DLG2: variants seen among roughly 807,000 people sequenced by gnomAD.
The protein encoded by DLG2 is disks large homolog 2.
DLG2 carries 45 observed loss-of-function variants against 132.5 expected under a neutral mutation model. The observed-to-expected ratio is 0.34, with a 90% CI of 0.27 to 0.44. The LOEUF (loss-of-function observed/expected upper bound fraction) is 0.44. Among genes scored for constraint, DLG2 ranks in the 20% least tolerant of loss-of-function variants. DLG2 has a pLI of 1.00. For synonymous variants in DLG2, 424 were observed against 419.6 expected, an observed-to-expected ratio of 1.01 and a Z score of -0.13; for missense variants, 1,045 against 1,196.9, an observed-to-expected ratio of 0.87 and a Z score of 1.87.
At chr11:83,702,214 G>C (rs1178050481) in intron 18 of DLG2, among the ~76,000 whole-genome samples, 1 of 152,070 alleles carries the variant, frequency 6.6e-6, no homozygotes, top group Non-Finnish European at 1.5e-5. Context: ...TGTACAAAAG[G>C]ATTAACAGTG....
intron 4 of DLG2, among the ~76,000 whole-genome samples, chr11:85,229,813 A>G (rs1346968121): frequency 6.6e-6 from 1 of 152,134 alleles, no homozygotes; most frequent in East Asian, 1.9e-4. Flanking sequence ...TGCAGCCATA[A>G]AAAGAATGAG....
At chr11:85,469,040 C>T (rs897801969) in intron 3 of DLG2, among the ~76,000 whole-genome samples, 5 of 152,178 alleles carry the variant, frequency 3.3e-5, no homozygotes, top group Non-Finnish European at 7.4e-5. Context: ...ATTGAGTGCA[C>T]GTACTCTTTT....
intron 6 of DLG2, among the ~76,000 whole-genome samples, chr11:85,066,583 G>T (rs2064956093): frequency 6.6e-6 from 1 of 151,666 alleles, no homozygotes; most frequent in Non-Finnish European, 1.5e-5. Flanking sequence ...AAATTAAAAA[G>T]ATAATACACC....
intron 7 of DLG2, among the ~76,000 whole-genome samples, chr11:84,422,201 A>G (rs1027740750): frequency 6.6e-6 from 1 of 152,208 alleles, no homozygotes; most frequent in Non-Finnish European, 1.5e-5. Flanking sequence ...TACTTATTAT[A>G]GTGAATGAAT....
chr11:84,206,846 T>C (rs1276449418), intron 8 of DLG2, among the ~76,000 whole-genome samples: 3 of 151,986 alleles, frequency 2.0e-5, no homozygotes, highest in Non-Finnish European at 4.4e-5. Flanking sequence ...CAACTTTATA[T>C]GTAGAAACCT....
intron 8 of DLG2, among the ~76,000 whole-genome samples, chr11:84,174,967 G>T (rs1380655133): frequency 6.6e-6 from 1 of 152,100 alleles, no homozygotes; most frequent in Admixed American, 6.6e-5. Flanking sequence ...AAAGAAGCTA[G>T]TTTCTAAGTT....
chr11:84,309,623 G>C (rs2098267537), intron 7 of DLG2, among the ~76,000 whole-genome samples: 1 of 152,178 alleles, frequency 6.6e-6, no homozygotes, highest in South Asian at 2.1e-4. Flanking sequence ...CAAAAGAATG[G>C]AACAAAGTAG....
chr11:84,005,810 G>T (rs753628951), intron 11 of DLG2, among the ~76,000 whole-genome samples: 29 of 151,698 alleles, frequency 1.9e-4, no homozygotes, highest in Non-Finnish European at 3.8e-4. Flanking sequence ...TTATTAAAAA[G>T]ACAAAAAATA....
intron 8 of DLG2, among the ~76,000 whole-genome samples, chr11:84,192,653 C>T (rs2096434795): frequency 6.6e-6 from 1 of 151,990 alleles, no homozygotes; most frequent in Non-Finnish European, 1.5e-5. Context: ...TCTCTTGAAC[C>T]CAGGAGGTGG....
chr11:83,580,808 G>A (rs1211592602), intron 19 of DLG2, among the ~76,000 whole-genome samples: 2 of 18,540 alleles, frequency 1.1e-4, no homozygotes, highest in African/African-American at 5.4e-4. Context: ...TCCCTCCCCT[G>A]CCCCGCCAGG....
chr11:84,666,744 ACT>A (rs1565605228), intron 6 of DLG2, among the ~76,000 whole-genome samples: 1 of 152,064 alleles, frequency 6.6e-6, no homozygotes, highest in Non-Finnish European at 1.5e-5. Context: ...AAAATCACAC[ACT>A]CAGAAATTTT....
chr11:83,942,777 A>G (rs559939856), intron 14 of DLG2, among the ~76,000 whole-genome samples: 233 of 152,212 alleles, frequency 1.5e-3, no homozygotes, highest in Non-Finnish European at 2.7e-3. Flanking sequence ...AAGGGGATAG[A>G]TCTTGAATGT....
At chr11:84,751,439 A>C (rs1488792875) in intron 6 of DLG2, among the ~76,000 whole-genome samples, 1 of 152,112 alleles carries the variant, frequency 6.6e-6, no homozygotes, top group Non-Finnish European at 1.5e-5. Flanking sequence ...TATTTATGAT[A>C]ATTTAGGAGT....
intron 6 of DLG2, among the ~76,000 whole-genome samples, chr11:84,680,726 C>G (rs187175113): frequency 6.6e-6 from 1 of 152,290 alleles, no homozygotes; most frequent in African/African-American, 2.4e-5. Context: ...AGAGCAGAAG[C>G]AAATACCATA....
At chr11:83,620,645 C>A (rs531003496) in intron 19 of DLG2, among the ~76,000 whole-genome samples, 2 of 151,678 alleles carry the variant, frequency 1.3e-5, no homozygotes, top group Non-Finnish European at 2.9e-5. Flanking sequence ...CCGAGGCGGG[C>A]GGATCACGAG....
intron 21 of DLG2, among the ~76,000 whole-genome samples, chr11:83,508,403 A>ATTTTTTTTTTTTTTTTTTTTT (rs746968613): frequency 1.2e-5 from 1 of 80,202 alleles, no homozygotes; most frequent in Non-Finnish European, 2.2e-5. Context: ...CGCCTGGCTA[A>ATTTTTTTTTTTTTTTTTTTTT]TTTTTTTTTT....
At chr11:85,258,890 T>C (rs2076797843) in intron 4 of DLG2, among the ~76,000 whole-genome samples, 1 of 152,214 alleles carries the variant, frequency 6.6e-6, no homozygotes, top group Non-Finnish European at 1.5e-5. Context: ...GGCAAAGTGT[T>C]GTGTTTTATC....
At chr11:84,828,052 T>C (rs1023600923) in intron 6 of DLG2, among the ~76,000 whole-genome samples, 2 of 151,874 alleles carry the variant, frequency 1.3e-5, no homozygotes, top group African/African-American at 4.8e-5. Flanking sequence ...TAAAGGTTGA[T>C]AGACAACTTT....
intron 6 of DLG2, among the ~76,000 whole-genome samples, chr11:84,845,868 T>G (rs938914241): frequency 1.3e-5 from 2 of 151,768 alleles, no homozygotes; most frequent in African/African-American, 2.4e-5. Context: ...TTAGTAGAGA[T>G]AGGGTTTCAC....
Sources: gnomAD v4.1 joint callset for allele counts (sites outside exome capture counted in the v4.1 genomes callset) on GRCh38, gnomAD v4.1.1 for gene constraint, MANE v1.5 for transcripts, NCBI Gene and HGNC (gene_info 2026-07-23, HGNC 2026-07-21) for gene names.